The following MAP3K19 variants were observed in gnomAD, a reference collection of about 807,000 sequenced individuals.
MAP3K19 encodes mitogen-activated protein kinase kinase kinase 19.
Under a neutral mutation model 114.4 loss-of-function variants are expected in MAP3K19, and 91 were observed. That is an observed-to-expected ratio of 0.80 (90% confidence interval 0.67 to 0.95). MAP3K19 has a LOEUF of 0.95. Ranked by LOEUF, MAP3K19 falls within the 40% of genes least tolerant of loss-of-function variation. The pLI is 0.00. For missense variants in MAP3K19, 1,471 were observed against 1,573.2 expected (o/e 0.94, Z 1.10); for synonymous variants, 518 against 530.5 (o/e 0.98, Z 0.32).
At position 135,005,979 on chromosome 2, in the gene MAP3K19, T is replaced by C. The variant is rs549408893; in HGVS notation, c.139-448A>G. 7.2e-5 allele frequency among the ~76,000 whole-genome samples: 11 copies of C among 152,296 alleles called. No individual in the cohort carries two copies. In the South Asian group the frequency reaches 2.3e-3, roughly 32 times the overall value. ...TGGAAATCCCTGCCCCTGTGGAAGC[T>C]ACAGATATAACCCTAGACTGAAAGG... On this transcript the variant is annotated intron_variant, in intron 5 of 12. Transcript: ENST00000392915.
chr2:135,037,107 C>T (rs111829191), intron 2 of MAP3K19, among the ~76,000 whole-genome samples: 9,064 of 152,060 alleles, frequency 0.06, 519 homozygotes, highest in African/African-American at 0.15. Context: ...AGCAATTCTC[C>T]GGCCTCAGCC....
At chr2:135,024,813 G>A in intron 3 of MAP3K19, 72 bp from the exon 4 acceptor site, 14 of 576,592 alleles carry the variant, frequency 2.4e-5, no homozygotes, top group East Asian at 5.8e-5. Context: ...AATATGAGAG[G>A]GAAACATTTA....
At chr2:134,967,670 G>C (rs1230740062) in intron 12 of MAP3K19, among the ~76,000 whole-genome samples, 1 of 152,110 alleles carries the variant, frequency 6.6e-6, no homozygotes, top group Non-Finnish European at 1.5e-5. Flanking sequence ...GTTCGTTGCT[G>C]ACTTTCTCCT....
At chr2:134,978,166 CTG>C (rs1347592673) in intron 12 of MAP3K19, among the ~76,000 whole-genome samples, 2 of 151,226 alleles carry the variant, frequency 1.3e-5, no homozygotes, top group Admixed American at 1.3e-4. Context: ...TTTGTTATGA[CTG>C]TAGCAATCAA....
chr2:135,024,047 T>C (rs1449140189), intron 4 of MAP3K19, among the ~76,000 whole-genome samples: 1 of 152,102 alleles, frequency 6.6e-6, no homozygotes, highest in Non-Finnish European at 1.5e-5. Flanking sequence ...TAAGCTATGC[T>C]CACTCCCAGC....
rs1372604524 is a variant in MAP3K19 at position 135,033,364 on chromosome 2, G to T, written c.-283-2864C>A. On this transcript the variant is annotated intron_variant, in intron 2 of 12. Transcript: ENST00000392915. Reference sequence around the variant, plus strand: ...TCCCGGACGGGGCAGCTGGCCGGGTGGGGGGCTGACCCCCCCCACTGCCCT... The same window carrying T: ...TCCCGGACGGGGCAGCTGGCCGGGTTGGGGGCTGACCCCCCCCACTGCCCT... Among the ~76,000 whole-genome samples the T allele has an allele frequency of 4.5e-4, 52 of 115,694 alleles. 11 individuals are homozygous for T. Among genetic ancestry groups the T allele is most frequent in the African/African-American group, 2.3e-3 (51 of 22,140 alleles). The allele number at this position is 115,694 out of a possible 152,430, so 75.9% of individuals were successfully genotyped here.
intron 8 of MAP3K19, among the ~76,000 whole-genome samples, chr2:134,998,192 A>G (rs1223160385): frequency 4.6e-5 from 7 of 152,186 alleles, no homozygotes; most frequent in Non-Finnish European, 8.8e-5. Flanking sequence ...CGTAGACTCA[A>G]GTCCATAATG....
intron 2 of MAP3K19, among the ~76,000 whole-genome samples, chr2:135,037,462 G>T (rs1411555866): frequency 1.3e-5 from 2 of 152,142 alleles, no homozygotes; most frequent in Admixed American, 6.5e-5. Context: ...TGATGAATTT[G>T]GTCCCAGACT....
chr2:134,984,991 A>G (rs2105218724), intron 10 of MAP3K19, among the ~76,000 whole-genome samples: 1 of 152,296 alleles, frequency 6.6e-6, no homozygotes. Context: ...GTGTGGATAT[A>G]GTGCAGTATG....
intron 12 of MAP3K19, among the ~76,000 whole-genome samples, chr2:134,974,470 C>T (rs563505325): frequency 5.3e-5 from 8 of 152,086 alleles, no homozygotes; most frequent in Non-Finnish European, 1.0e-4. Flanking sequence ...TACAATGTAC[C>T]CTGGAGAAGA....
intron 12 of MAP3K19, among the ~76,000 whole-genome samples, chr2:134,980,186 G>C (rs1220879500): frequency 6.6e-6 from 1 of 152,178 alleles, no homozygotes; most frequent in Non-Finnish European, 1.5e-5. Flanking sequence ...ACTTTAACTA[G>C]AGCCATCTGT....
intron 2 of MAP3K19, among the ~76,000 whole-genome samples, chr2:135,031,772 A>G (rs1167234039): frequency 6.6e-6 from 1 of 152,188 alleles, no homozygotes; most frequent in Admixed American, 6.5e-5. Context: ...ATAATCTAGG[A>G]ACACTTAGGA....
At chr2:135,033,833 C>CCA (rs1558744956) in intron 2 of MAP3K19, among the ~76,000 whole-genome samples, 1 of 37,016 alleles carries the variant, frequency 2.7e-5, no homozygotes, top group Non-Finnish European at 4.7e-5. Flanking sequence ...GGGGCTGACC[C>CCA]CCCCACCTCC....
intron 1 of MAP3K19, among the ~76,000 whole-genome samples, chr2:135,042,367 T>A (rs1398674203): frequency 1.3e-5 from 2 of 151,868 alleles, no homozygotes; most frequent in Non-Finnish European, 2.9e-5. Context: ...CTGGGCATGG[T>A]GGCGGGCGCC....
intron 5 of MAP3K19, among the ~76,000 whole-genome samples, chr2:135,011,481 G>C (rs1335777021): frequency 6.7e-6 from 1 of 149,838 alleles, no homozygotes; most frequent in African/African-American, 2.5e-5. Context: ...AGCTTGCAGT[G>C]AGCCGAGATC....
intron 5 of MAP3K19, among the ~76,000 whole-genome samples, chr2:135,009,115 C>A (rs1330009682): frequency 7.4e-6 from 1 of 134,364 alleles, no homozygotes; most frequent in Non-Finnish European, 1.5e-5. Flanking sequence ...CCATGCCTGG[C>A]TAATTTTTTT....
At chr2:135,003,959 T>C (rs1385416753) in intron 6 of MAP3K19, among the ~76,000 whole-genome samples, 1 of 152,268 alleles carries the variant, frequency 6.6e-6, no homozygotes, top group Non-Finnish European at 1.5e-5. Flanking sequence ...CTAGCTCAAC[T>C]GAAGTCTCTA....
At position 134,987,185 on chromosome 2, in the gene MAP3K19, T is replaced by TAAACC; in HGVS notation, c.1686_1687insGGTTT (p.Thr563GlyfsTer9). The TAAACC allele has an allele frequency of 6.2e-7, 1 of 1,614,222 alleles. No homozygotes were observed. The highest frequency in any genetic ancestry group is 8.5e-7 in the Non-Finnish European group (1 of 1,180,042). The stretch of plus-strand genomic sequence containing the variant: ...GTTTTTATGCTGGTTTTATGCATGG[T>TAAACC]AGGCTTAATGGGACCTTCAGTAGAA... On this transcript the variant is annotated frameshift_variant, in exon 10 of 13. Transcript: ENST00000392915. LOFTEE classifies it high-confidence loss of function.
intron 5 of MAP3K19, among the ~76,000 whole-genome samples, chr2:135,007,122 AC>A (rs2105320330): frequency 6.7e-6 from 1 of 149,614 alleles, no homozygotes; most frequent in East Asian, 2.0e-4. Flanking sequence ...CCATGATTGC[AC>A]CACTGCACTC....
Sources: gnomAD v4.1 joint callset for allele counts (sites outside exome capture counted in the v4.1 genomes callset) on GRCh38, gnomAD v4.1.1 for gene constraint, MANE v1.5 for transcripts, NCBI Gene and HGNC (gene_info 2026-07-23, HGNC 2026-07-21) for gene names.